The following RPA3 variants were observed in gnomAD, a reference collection of about 807,000 sequenced individuals.
RPA3 encodes replication protein A3.
RPA3 carries 24 observed loss-of-function variants against 13.7 expected under a neutral mutation model. That is an observed-to-expected ratio of 1.75 (90% CI 1.27 to 2.46). RPA3 has a LOEUF of 2.46. Ranked by LOEUF, RPA3 falls within the 30% of genes most tolerant of loss-of-function variation. The pLI is 0.00. For synonymous variants in RPA3, 59 were observed against 51.2 expected (o/e 1.15, Z -0.65); for missense variants, 183 against 151.0 (o/e 1.21, Z -1.11).
chr7:7,662,124 C>G (rs1171846203), intron 4 of RPA3, among the ~76,000 whole-genome samples: 2 of 152,088 alleles, frequency 1.3e-5, no homozygotes, highest in African/African-American at 4.8e-5. Flanking sequence ...GGAAAACGGC[C>G]CACTCAAGCC....
In RPA3 at chr7:7,640,584, G is replaced by GA. The variant is rs1784944341; in HGVS notation, c.-167dup. 1.5e-6 allele frequency: 1 copy of GA among 646,486 alleles called. No homozygotes were observed. 40.0% of individuals were successfully genotyped at this position (646,486 alleles called of 1,614,324 possible). On this transcript the variant is annotated 5_prime_UTR_variant, in exon 5 of 8. Transcript: ENST00000223129. ...CCTAAATCGCAATCGCGCTGTCTCT[G>GA]AAAGGGGTGGAGAAGGGGCTGGATG...
intron 2 of RPA3, among the ~76,000 whole-genome samples, chr7:7,688,210 A>C (rs1349676797): frequency 6.6e-6 from 1 of 152,140 alleles, no homozygotes; most frequent in Non-Finnish European, 1.5e-5. Context: ...ATTAAGAATT[A>C]CTTTTTTAGA....
intron 4 of RPA3, among the ~76,000 whole-genome samples, chr7:7,671,007 A>G (rs1779591962): frequency 6.6e-6 from 1 of 152,188 alleles, no homozygotes; most frequent in Admixed American, 6.5e-5. Flanking sequence ...TTCCTTGGCT[A>G]CAACGGAAAT....
At chr7:7,638,917 G>T (rs1784906780) in intron 6 of RPA3, 153 bp downstream of exon 6, 2 of 478,152 alleles carry the variant, frequency 4.2e-6, no homozygotes, top group South Asian at 5.2e-5. Context: ...TATAATGAGA[G>T]AATAGTACAA....
intron 2 of RPA3, among the ~76,000 whole-genome samples, chr7:7,709,402 A>G (rs1412753783): frequency 1.3e-5 from 2 of 152,222 alleles, no homozygotes; most frequent in Non-Finnish European, 2.9e-5. Flanking sequence ...AGTCCTGTGG[A>G]TAAGCTGGAG....
intron 2 of RPA3, among the ~76,000 whole-genome samples, chr7:7,693,305 A>ATCTG (rs1554315962): frequency 6.6e-6 from 1 of 151,744 alleles, no homozygotes; most frequent in Non-Finnish European, 1.5e-5. Flanking sequence ...TTATCTATCT[A>ATCTG]TCTATCTATC....
At chr7:7,713,076 C>T (rs1780808111) in intron 2 of RPA3, among the ~76,000 whole-genome samples, 3 of 151,930 alleles carry the variant, frequency 2.0e-5, no homozygotes, top group Non-Finnish European at 4.4e-5. Context: ...CGGTGGCTCA[C>T]ACCTATAATC....
intron 4 of RPA3, among the ~76,000 whole-genome samples, chr7:7,678,548 A>AATATATATTTATATACTTAATTTATAG (rs1341674956): frequency 7.3e-6 from 1 of 137,612 alleles, no homozygotes; most frequent in Non-Finnish European, 1.5e-5. Context: ...TTTATAGATA[A>AATATATATTTATATACTTAATTTATAG]ATATATATTT....
chr7:7,638,042 T>C, intron 6 of RPA3, 70 bp from the exon 7 acceptor site: 3 of 1,107,596 alleles, frequency 2.7e-6, no homozygotes, highest in Non-Finnish European at 4.1e-6. Flanking sequence ...TGGAAAACTG[T>C]TATACAGGTT....
chr7:7,682,896 T>C (rs1314394020), intron 4 of RPA3, among the ~76,000 whole-genome samples: 2 of 152,232 alleles, frequency 1.3e-5, no homozygotes, highest in East Asian at 3.8e-4. Context: ...TGTGGAGTTG[T>C]GTGTCTAATG....
Position 7,677,663 on chromosome 7 carries a change from TG to T in RPA3, c.-758+8166del, listed in dbSNP as rs1352505590. Among the ~76,000 whole-genome samples the T allele has an allele frequency of 1.6e-3, 50 of 32,154 alleles. 1 individual carries two copies. In the East Asian group the frequency reaches 0.033, roughly 21 times the overall value. 21.1% of individuals were successfully genotyped at this position (32,154 alleles called of 152,430 possible). A position where few individuals can be genotyped will look rare whatever the true frequency, so the allele number is the denominator to read the frequency against. On this transcript the variant is annotated intron_variant, in intron 4 of 7. Transcript: ENST00000223129. ...TTCTTTATCTATTCATCTGTTTTTT[TG>T]TTTTTTTTTTTTTTTTTTTTTTTTT...
chr7:7,707,547 G>A (rs975254049), intron 2 of RPA3, among the ~76,000 whole-genome samples: 2 of 152,106 alleles, frequency 1.3e-5, no homozygotes, highest in African/African-American at 4.8e-5. Flanking sequence ...TTTAAAATAT[G>A]AATATATAAA....
Position 7,695,151 on chromosome 7 carries a change from C to T in RPA3, c.-1027-7823G>A, listed in dbSNP as rs1293918457. ...TCTGATGATCAGTAATGTTGAGCAC[C>T]TTTTCATATACCTGTTTGCCATTTG... On this transcript the variant is annotated intron_variant, in intron 2 of 7. Coordinates refer to ENST00000223129, the MANE Select transcript of RPA3 (RefSeq NM_002947.5). Among the ~76,000 whole-genome samples, 3 of 152,116 alleles carry T rather than the reference C, an allele frequency of 2.0e-5. No individual in the cohort carries two copies. In the South Asian group the frequency reaches 6.2e-4, roughly 32 times the overall value.
chr7:7,643,029 C>T (rs1394914452), intron 4 of RPA3, among the ~76,000 whole-genome samples: 2 of 151,700 alleles, frequency 1.3e-5, no homozygotes, highest in East Asian at 1.9e-4. Flanking sequence ...TTTTCTGTTA[C>T]AGGTAGGCAT....
At chr7:7,644,761 T>G (rs1443876605) in intron 4 of RPA3, among the ~76,000 whole-genome samples, 1 of 152,232 alleles carries the variant, frequency 6.6e-6, no homozygotes, top group Non-Finnish European at 1.5e-5. Context: ...ATCATAACTT[T>G]TGATGTCTGG....
At chr7:7,700,608 C>T (rs1027045453) in intron 2 of RPA3, among the ~76,000 whole-genome samples, 1 of 152,134 alleles carries the variant, frequency 6.6e-6, no homozygotes, top group East Asian at 1.9e-4. Flanking sequence ...CACCAAAGGG[C>T]CGGGCGCGGT....
At chr7:7,709,573 G>GT (rs1266485404) in intron 2 of RPA3, among the ~76,000 whole-genome samples, 1 of 152,260 alleles carries the variant, frequency 6.6e-6, no homozygotes, top group Non-Finnish European at 1.5e-5. Context: ...AATGAGGCTT[G>GT]TGGGATAAGA....
chr7:7,677,685 T>G (rs1779780747), intron 4 of RPA3, among the ~76,000 whole-genome samples: 1 of 142,138 alleles, frequency 7.0e-6, no homozygotes, highest in Non-Finnish European at 1.5e-5. Flanking sequence ...TTTTTTTTTT[T>G]TTTTTTGAGA....
intron 2 of RPA3, among the ~76,000 whole-genome samples, chr7:7,691,787 T>A (rs1780178126): frequency 6.6e-6 from 1 of 152,254 alleles, no homozygotes; most frequent in South Asian, 2.1e-4. Flanking sequence ...TGAAGTGTTT[T>A]CTGATACATG....
Sources: gnomAD v4.1 joint callset for allele counts (sites outside exome capture counted in the v4.1 genomes callset) on GRCh38, gnomAD v4.1.1 for gene constraint, MANE v1.5 for transcripts, NCBI Gene and HGNC (gene_info 2026-07-23, HGNC 2026-07-21) for gene names.